Variants in TRIO observed in about 807,000 individuals in gnomAD.
TRIO encodes triple functional domain protein.
In TRIO, 58 loss-of-function variants were observed where a neutral mutation model predicts 351.9. The observed-to-expected ratio is 0.16, with a 90% CI of 0.13 to 0.21. TRIO has a LOEUF of 0.21. Ranked by LOEUF, TRIO falls within the 10% of genes least tolerant of loss-of-function variation. The pLI, the probability that TRIO is intolerant of heterozygous loss-of-function variation, is 1.00. For missense variants in TRIO, 3,201 were observed against 4,027.8 expected (o/e 0.79, Z 5.56); for synonymous variants, 1,758 against 1,595.7 (o/e 1.10, Z -2.42).
chr5:14,286,591 G>A lies in TRIO; in HGVS notation c.348-280G>A, dbSNP rs866475884. Among the ~76,000 whole-genome samples the A allele has an allele frequency of 2.6e-5, 4 of 152,176 alleles. No individual in the cohort carries two copies. Among genetic ancestry groups the A allele is most frequent in the African/African-American group, 7.2e-5 (3 of 41,436 alleles). On this transcript the variant is annotated intron_variant, in intron 3 of 56. Transcript: ENST00000344204. This position sits in a 1 kb window ranked among gnomAD's most constrained non-coding sequence, Gnocchi z 4.4. Reference sequence around the variant, plus strand: ...GTCAGGAGAAATGGGCATGGTGACCGTTGTTTTCCTGAAAAGAAGACGGGA... The same window carrying A: ...GTCAGGAGAAATGGGCATGGTGACCATTGTTTTCCTGAAAAGAAGACGGGA...
intron 5 of TRIO, among the ~76,000 whole-genome samples, chr5:14,291,788 TAAAAA>T (rs57424190): frequency 8.9e-5 from 9 of 101,018 alleles, no homozygotes; most frequent in Middle Eastern, 5.1e-3. Context: ...GACTCCGTCT[TAAAAA>T]AAAAAAAAAA....
At chr5:14,506,894 C>T (rs1335179426) in intron 55 of TRIO, among the ~76,000 whole-genome samples, 1 of 152,226 alleles carries the variant, frequency 6.6e-6, no homozygotes, top group Non-Finnish European at 1.5e-5. Context: ...GCCGCTCTAC[C>T]ACCGGCTTCC....
At chr5:14,159,157 C>T (rs980094238) in intron 1 of TRIO, among the ~76,000 whole-genome samples, 9 of 152,160 alleles carry the variant, frequency 5.9e-5, no homozygotes, top group African/African-American at 2.2e-4. Context: ...GTTTTTTCTA[C>T]TCCCACTCCC....
chr5:14,354,463 G>C (rs1161110062), intron 11 of TRIO, among the ~76,000 whole-genome samples: 3 of 152,172 alleles, frequency 2.0e-5, no homozygotes, highest in South Asian at 4.1e-4. Flanking sequence ...GCCCAGAAGG[G>C]CAGCTTGTCA....
At chr5:14,489,938 G>T (rs1340032140) in intron 48 of TRIO, among the ~76,000 whole-genome samples, 1 of 152,178 alleles carries the variant, frequency 6.6e-6, no homozygotes. Context: ...TTACAGAAAT[G>T]CCCTAAAGGC....
intron 28 of TRIO, among the ~76,000 whole-genome samples, chr5:14,394,672 G>A (rs993582155): frequency 6.6e-5 from 10 of 152,138 alleles, no homozygotes; most frequent in African/African-American, 1.9e-4. Flanking sequence ...CACCCCTCGC[G>A]GCACACCTTG....
At chr5:14,330,669 TG>T in intron 9 of TRIO, 108 bp from the exon 10 acceptor site, 1 of 1,362,700 alleles carries the variant, frequency 7.3e-7, no homozygotes, top group African/African-American at 1.5e-5. Context: ...GTTTGCTTCT[TG>T]TTTCTTACAG....
chr5:14,308,440 C>G (rs562812001), intron 8 of TRIO, among the ~76,000 whole-genome samples: 4 of 146,216 alleles, frequency 2.7e-5, no homozygotes, highest in Admixed American at 1.4e-4. Flanking sequence ...ATCCATCCCT[C>G]TATTTATCCA....
chr5:14,262,553 G>A (rs1009514271), intron 1 of TRIO, among the ~76,000 whole-genome samples: 7 of 152,178 alleles, frequency 4.6e-5, no homozygotes, highest in African/African-American at 1.7e-4. Context: ...AAACATGCTA[G>A]GGAGAGTGGC....
At chr5:14,356,527 G>A (rs1204539501) in intron 11 of TRIO, among the ~76,000 whole-genome samples, 2 of 152,142 alleles carry the variant, frequency 1.3e-5, no homozygotes, top group Non-Finnish European at 2.9e-5. Context: ...GCTGCTGGTG[G>A]GAAGGTAAAA....
rs1171549944 is a variant in TRIO, at chr5:14,487,578, G to GCAGCGGCCACAGTGGCGGCCC, written c.6955_6975dup (p.Gly2319_Ser2325dup). 2.6e-6 allele frequency: 3 copies of GCAGCGGCCACAGTGGCGGCCC among 1,135,834 alleles called. No individual in the cohort carries two copies. In the East Asian group the frequency reaches 1.4e-4, roughly 53 times the overall value. 70.4% of individuals were successfully genotyped at this position (1,135,834 alleles called of 1,614,324 possible). Reference sequence around the variant, plus strand: ...GGCGGCGGCGGGGCCCCCAGTGGCGGCAGCGGCCACAGTGGCGGCCCCAGC... The same window carrying GCAGCGGCCACAGTGGCGGCCC: ...GGCGGCGGCGGGGCCCCCAGTGGCGGCAGCGGCCACAGTGGCGGCCCCAGCGGCCACAGTGGCGGCCCCAGC... On this transcript the variant is annotated inframe_insertion, in exon 48 of 57. Transcript: ENST00000344204.
At chr5:14,408,111 C>T (rs959030698) in intron 33 of TRIO, among the ~76,000 whole-genome samples, 4 of 152,156 alleles carry the variant, frequency 2.6e-5, no homozygotes, top group African/African-American at 9.7e-5. Flanking sequence ...CTGACCTCAC[C>T]GTCCTTGGGA....
rs768656386 is a variant in TRIO, at chr5:14,297,257, C to G, written c.1362C>G (p.Ala454=). 3.1e-6 allele frequency: 5 copies of G among 1,613,460 alleles called. No homozygotes were observed. Among genetic ancestry groups the G allele is most frequent in the East Asian group, 4.5e-5 (2 of 44,842 alleles). Residue 454 remains alanine, a synonymous_variant, in exon 7 of 57, where the codon GCC becomes GCG. Coordinates refer to ENST00000344204, the MANE Select transcript of TRIO (RefSeq NM_007118.4). ...TGTCCTCCATTTTCCACCAGAAGGC[C>G]GAAAAGGTCAGTGCCTTGAACCCCC... ...LDMSSIFHQK[A]EKYMSNVDSW...
intron 1 of TRIO, among the ~76,000 whole-genome samples, chr5:14,167,767 G>T (rs1311174219): frequency 6.6e-6 from 1 of 152,178 alleles, no homozygotes; most frequent in African/African-American, 2.4e-5. Flanking sequence ...GAGGAGCATG[G>T]TTCTGGGTGG....
In TRIO at chr5:14,182,862, A is replaced by ACC. The variant is rs33945464; in HGVS notation, c.157+38989_157+38990dup. Reference sequence around the variant, plus strand: ...GAAAATTGGACCAAATACAGTGGAGACCCCCCCCCCTCCACTTTGCCGTGC... The same window carrying ACC: ...GAAAATTGGACCAAATACAGTGGAGACCCCCCCCCCCCTCCACTTTGCCGTGC... On this transcript the variant is annotated intron_variant, in intron 1 of 56. Coordinates refer to ENST00000344204, the MANE Select transcript of TRIO (RefSeq NM_007118.4). Among the ~76,000 whole-genome samples the ACC allele has an allele frequency of 6.2e-3, 378 of 61,440 alleles. 2 individuals carry two copies. Among genetic ancestry groups the ACC allele is most frequent in the African/African-American group, 0.017 (358 of 21,100 alleles). The allele number at this position is 61,440 out of a possible 152,430, so 40.3% of individuals were successfully genotyped here.
In TRIO at chr5:14,145,504, C is replaced by CT. The variant is rs35067974; in HGVS notation, c.157+1633dup. 8.5e-3 allele frequency among the ~76,000 whole-genome samples: 1,235 copies of CT among 144,650 alleles called. 7 individuals carry two copies. The highest frequency in any genetic ancestry group is 0.021 in the African/African-American group (848 of 39,598). The allele number at this position is 144,650 out of a possible 152,430, so 94.9% of individuals were successfully genotyped here. A position where few individuals can be genotyped will look rare whatever the true frequency, so the allele number is the denominator to read the frequency against. ...TCTAAAGAAAGCTACCCCCCCCCAC[C>CT]TTTTTTTTTTTGGTGCGACTGGCCA... On this transcript the variant is annotated intron_variant, in intron 1 of 56. Transcript: ENST00000344204.
intron 1 of TRIO, among the ~76,000 whole-genome samples, chr5:14,263,956 C>T (rs1225461922): frequency 2.0e-5 from 3 of 152,158 alleles, no homozygotes; most frequent in South Asian, 4.2e-4. Context: ...CAAACATGAA[C>T]GGCACACCTG....
At chr5:14,299,613 A>G (rs1221647649) in intron 7 of TRIO, among the ~76,000 whole-genome samples, 1 of 152,202 alleles carries the variant, frequency 6.6e-6, no homozygotes, top group African/African-American at 2.4e-5. Context: ...CAAGAGAGCA[A>G]TCCCAAGACT....
At chr5:14,402,847 G>T (rs1000198646) in intron 31 of TRIO, among the ~76,000 whole-genome samples, 2 of 152,004 alleles carry the variant, frequency 1.3e-5, no homozygotes, top group Non-Finnish European at 2.9e-5. Context: ...GGCGGTGGTA[G>T]TGCTAGTGCA....
Sources: allele counts gnomAD v4.1 joint callset (sites outside exome capture counted in the v4.1 genomes callset), GRCh38; gene constraint gnomAD v4.1.1; non-coding constraint Gnocchi (gnomAD v3.1); transcripts MANE v1.5; gene names NCBI Gene and HGNC (gene_info 2026-07-23, HGNC 2026-07-21).